Variants in GOLGB1 observed in about 807,000 individuals in gnomAD.
GOLGB1 encodes golgin subfamily B member 1.
A neutral mutation model predicts 336.9 loss-of-function variants in GOLGB1; 174 were observed. The observed-to-expected ratio is 0.52, with a 90% CI of 0.46 to 0.59. The LOEUF is 0.59. GOLGB1 is among the 20% of genes least tolerant of loss of function. The probability of loss-of-function intolerance (pLI) is 0.00; values close to 1 mark genes in which losing one functional copy is unlikely to be tolerated. For missense variants in GOLGB1, 3,331 were observed against 3,645.3 expected (o/e 0.91, Z 2.22); for synonymous variants, 1,208 against 1,289.2 (o/e 0.94, Z 1.35).
At chr3:121,685,015 T>C (rs921100561) in intron 14 of GOLGB1, among the ~76,000 whole-genome samples, 5 of 152,092 alleles carry the variant, frequency 3.3e-5, no homozygotes, top group Non-Finnish European at 5.9e-5. Context: ...TGTGGACAAA[T>C]GGCAGTAAAT....
Position 121,694,266 on chromosome 3 carries a change from T to C in GOLGB1, c.6257A>G (p.Lys2086Arg), listed in dbSNP as rs1319700160. Reference sequence around the variant, plus strand: ...ACTTTGAGTGTCATCTAGCAGGACTTTGAAGCTAGCTAATTCTGCTTGTGC... The same window carrying C: ...ACTTTGAGTGTCATCTAGCAGGACTCTGAAGCTAGCTAATTCTGCTTGTGC... ...KKAQAELASFKVLLDDTQSEA... is the reference protein window; with the variant it reads ...KKAQAELASFRVLLDDTQSEA... The change falls in exon 13 of 22, where the codon AAA becomes AGA. Residue 2086 changes from lysine (K) to arginine (R), a missense_variant. Coordinates refer to ENST00000614479, the MANE Select transcript of GOLGB1 (RefSeq NM_001366282.2). 6.8e-6 allele frequency: 11 copies of C among 1,610,396 alleles called. No homozygotes were observed. Among genetic ancestry groups the C allele is most frequent in the East Asian group, 2.2e-5 (1 of 44,876 alleles).
At chr3:121,687,559 G>A (rs1457635899) in intron 14 of GOLGB1, among the ~76,000 whole-genome samples, 2 of 152,224 alleles carry the variant, frequency 1.3e-5, no homozygotes, top group East Asian at 3.9e-4. Context: ...ACATCTTGAT[G>A]GTTAAAATAA....
At chr3:121,736,719 A>G (rs957128494) in intron 1 of GOLGB1, among the ~76,000 whole-genome samples, 3 of 152,168 alleles carry the variant, frequency 2.0e-5, no homozygotes, top group East Asian at 3.9e-4. Flanking sequence ...CCTGGCCAAC[A>G]TGGTGAAACT....
intron 13 of GOLGB1, among the ~76,000 whole-genome samples, chr3:121,693,380 C>T (rs764410829): frequency 2.6e-5 from 4 of 152,062 alleles, no homozygotes; most frequent in Non-Finnish European, 5.9e-5. Context: ...CCCAGCTACT[C>T]GGGAGGCTGA....
chr3:121,735,413 A>G (rs937810716), intron 1 of GOLGB1, among the ~76,000 whole-genome samples: 1 of 152,204 alleles, frequency 6.6e-6, no homozygotes, highest in Non-Finnish European at 1.5e-5. Flanking sequence ...AACCTAAGAA[A>G]CAAAAATGGT....
intron 1 of GOLGB1, among the ~76,000 whole-genome samples, chr3:121,744,159 A>T (rs963766117): frequency 1.2e-4 from 18 of 152,150 alleles, no homozygotes; most frequent in African/African-American, 4.3e-4. Context: ...AACAATTGAG[A>T]AACATTTAAT....
At position 121,697,128 on chromosome 3, in the gene GOLGB1, G is replaced by A; in HGVS notation, c.3395C>T (p.Thr1132Ile). Residue 1132 changes from threonine (T) to isoleucine (I), a missense_variant, in exon 13 of 22, where the codon ACA becomes ATA. Physicochemically the swap from Thr to Ile is moderately conservative, Grantham distance 89. Transcript: ENST00000614479. ...CCCATCACTTGCATCCGTGTTACTTGTGATTAACTTCTGGATAATTGCTTG... is the reference window on the plus strand; with the variant it reads ...CCCATCACTTGCATCCGTGTTACTTATGATTAACTTCTGGATAATTGCTTG... The part of the protein sequence containing the change: ...ENQAIIQKLI[T>I]SNTDASDGDS... 1.2e-6 allele frequency: 2 copies of A among 1,614,048 alleles called. No homozygotes were observed. Among genetic ancestry groups the A allele is most frequent in the Non-Finnish European group, 1.7e-6 (2 of 1,179,976 alleles).
chr3:121,728,733 T>C (rs1317642183), intron 4 of GOLGB1, among the ~76,000 whole-genome samples: 4 of 152,226 alleles, frequency 2.6e-5, no homozygotes, highest in African/African-American at 2.4e-5. Context: ...TCAGCCCACA[T>C]GCATGAAGCT....
chr3:121,727,318 ATATTTT>A (rs1233597448), intron 4 of GOLGB1, among the ~76,000 whole-genome samples: 8 of 33,470 alleles, frequency 2.4e-4, no homozygotes, highest in South Asian at 1.2e-3. Context: ...ATATATATAT[ATATTTT>A]TTTTTTTTTT....
intron 10 of GOLGB1, among the ~76,000 whole-genome samples, chr3:121,705,551 T>C (rs1253089827): frequency 6.6e-6 from 1 of 152,200 alleles, no homozygotes; most frequent in South Asian, 2.1e-4. Context: ...AGGGGGAACA[T>C]AGGCTGAGCC....
intron 4 of GOLGB1, 38 bp from the exon 5 acceptor site, chr3:121,727,079 T>G (rs1283219677): frequency 8.3e-7 from 1 of 1,211,932 alleles, no homozygotes; most frequent in East Asian, 2.8e-5. Context: ...TTTAAAAGAA[T>G]TACAATTAAT....
rs535728991 is a variant in GOLGB1, at chr3:121,672,886, T to C, written c.9178-3531A>G. ...CCAGCACCATTTATTAGAGAGATTG[T>C]CCTTTCTCCATCATATGTTCTTGGT... On this transcript the variant is annotated intron_variant, in intron 17 of 21. Transcript: ENST00000614479. Among the ~76,000 whole-genome samples the C allele has an allele frequency of 5.9e-5, 9 of 152,298 alleles. No individual in the cohort carries two copies. The South Asian group carries it at 1.9e-3, about 32-fold the overall frequency.
At position 121,696,114 on chromosome 3, in the gene GOLGB1, T is replaced by A. The variant is rs768917337; in HGVS notation, c.4409A>T (p.Lys1470Met). Residue 1470 changes from lysine to methionine, a missense_variant, in exon 13 of 22, where the codon AAG becomes ATG. Coordinates refer to ENST00000614479, the MANE Select transcript of GOLGB1 (RefSeq NM_001366282.2). Reference protein sequence around the residue: ...KQLQVELCEMKQKPEEIGEES... With the variant: ...KQLQVELCEMMQKPEEIGEES... ...TTCTCCAATCTCTTCTGGTTTTTGCTTCATTTCACAAAGTTCCACCTGTAG... is the reference window on the plus strand; with the variant it reads ...TTCTCCAATCTCTTCTGGTTTTTGCATCATTTCACAAAGTTCCACCTGTAG... The A allele has an allele frequency of 3.0e-5, 48 of 1,614,004 alleles. No individual in the cohort carries two copies. Among genetic ancestry groups the A allele is most frequent in the Non-Finnish European group, 3.8e-5 (45 of 1,180,014 alleles).
At chr3:121,717,775 A>T (rs1944887739) in intron 8 of GOLGB1, among the ~76,000 whole-genome samples, 1 of 152,242 alleles carries the variant, frequency 6.6e-6, no homozygotes, top group African/African-American at 2.4e-5. Context: ...ACTAAAGGAT[A>T]ATACAGGTCA....
intron 17 of GOLGB1, among the ~76,000 whole-genome samples, chr3:121,671,791 C>G (rs1356943227): frequency 6.6e-6 from 1 of 152,096 alleles, no homozygotes; most frequent in Non-Finnish European, 1.5e-5. Context: ...TCTTCATTCC[C>G]TCCTCTCCTT....
In GOLGB1 at chr3:121,706,267, G is replaced by A. The variant is rs1025668311; in HGVS notation, c.1405-3672C>T. Among the ~76,000 whole-genome samples, 10 of 151,996 alleles carry A rather than the reference G, an allele frequency of 6.6e-5. No individual in the cohort carries two copies. In the South Asian group the frequency reaches 1.2e-3, roughly 19 times the overall value. On this transcript the variant is annotated intron_variant, in intron 10 of 21. Transcript: ENST00000614479. ...AAATATATATATTTGACTAATTCAC[G>A]GCAGAAAATCTTCCAAAACTATAAA...
chr3:121,743,267 A>G (rs550246119), intron 1 of GOLGB1, among the ~76,000 whole-genome samples: 1 of 152,342 alleles, frequency 6.6e-6, no homozygotes, highest in East Asian at 1.9e-4. Context: ...CATATACACC[A>G]TGGAATACTA....
rs1943016234 is a variant in GOLGB1, at chr3:121,697,093, C to T, written c.3430G>A (p.Ala1144Thr). The change falls in exon 13 of 22, where the codon GCA becomes ACA. Residue 1144 changes from alanine (A) to threonine (T), a missense_variant. By Grantham distance (58) the Ala-to-Thr change is moderately conservative. Coordinates refer to ENST00000614479, the MANE Select transcript of GOLGB1 (RefSeq NM_001366282.2). Reference protein sequence around the residue: ...NTDASDGDSVALVKETVVISP... With the variant: ...NTDASDGDSVTLVKETVVISP... Reference sequence around the variant, plus strand: ...ATCACCACTGTTTCCTTTACAAGTGCTACGGAGTCCCCATCACTTGCATCC... The same window carrying T: ...ATCACCACTGTTTCCTTTACAAGTGTTACGGAGTCCCCATCACTTGCATCC... 6.2e-7 allele frequency: 1 copy of T among 1,613,980 alleles called. No homozygotes were observed. Among genetic ancestry groups the T allele is most frequent in the African/African-American group, 1.3e-5 (1 of 75,040 alleles).
intron 7 of GOLGB1, 73 bp from the exon 8 acceptor site, chr3:121,718,574 A>C (rs546750486): frequency 1.0e-5 from 11 of 1,091,554 alleles, no homozygotes; most frequent in Non-Finnish European, 1.4e-5. Context: ...TCAAAATGTC[A>C]TGTAGATTTG....
Sources: gnomAD v4.1 joint callset for allele counts (sites outside exome capture counted in the v4.1 genomes callset) on GRCh38, gnomAD v4.1.1 for gene constraint, MANE v1.5 for transcripts, NCBI Gene and HGNC (gene_info 2026-07-23, HGNC 2026-07-21) for gene names.